Variants in TMEM74 observed in about 807,000 individuals in gnomAD.
TMEM74 encodes transmembrane protein 74.
Under a neutral mutation model 18.1 loss-of-function variants are expected in TMEM74, and 13 were observed. That is an observed-to-expected ratio of 0.72 (90% CI 0.47 to 1.14). The LOEUF is 1.14. Among genes scored for constraint, TMEM74 ranks in the 50% most tolerant of loss-of-function variants. The pLI, the probability that TMEM74 is intolerant of heterozygous loss-of-function variation, is 0.00. For missense variants in TMEM74, 372 were observed against 375.9 expected (o/e 0.99, Z 0.09); for synonymous variants, 159 against 146.6 (o/e 1.08, Z -0.61).
intron 1 of TMEM74, among the ~76,000 whole-genome samples, chr8:108,695,436 C>T (rs1486089904): frequency 6.6e-6 from 1 of 152,082 alleles, no homozygotes; most frequent in Non-Finnish European, 1.5e-5. Context: ...TTATATAGAC[C>T]AGAAAATGGA....
intron 1 of TMEM74, among the ~76,000 whole-genome samples, chr8:108,726,422 T>C (rs1813639020): frequency 6.6e-6 from 1 of 152,148 alleles, no homozygotes; most frequent in Admixed American, 6.5e-5. Context: ...TGCAAAATAT[T>C]TCCTGGTGAA....
chr8:108,672,957 G>A (rs904174), intron 1 of TMEM74, among the ~76,000 whole-genome samples: 67,207 of 151,962 alleles, frequency 0.44, 15,245 homozygotes, highest in East Asian at 0.69. Flanking sequence ...GAAAGAGTTG[G>A]AATAGTTCAA....
chr8:108,617,462 C>A (rs1165436512), intron 2 of TMEM74, among the ~76,000 whole-genome samples: 3 of 152,100 alleles, frequency 2.0e-5, no homozygotes, highest in Non-Finnish European at 4.4e-5. Context: ...GTGTAGGAAG[C>A]CCCACTACCC....
At chr8:108,642,352 CTG>C (rs1563738561) in intron 2 of TMEM74, among the ~76,000 whole-genome samples, 2 of 144,666 alleles carry the variant, frequency 1.4e-5, no homozygotes, top group Admixed American at 7.1e-5. Context: ...TCAGCCGAGA[CTG>C]TGTCACTGCA....
At position 108,783,978 on chromosome 8, in the gene TMEM74, G is replaced by T; in HGVS notation, c.*203C>A. 1 of 444,298 alleles carries T rather than the reference G, an allele frequency of 2.3e-6. No individual in the cohort carries two copies. Among genetic ancestry groups the T allele is most frequent in the East Asian group, 3.6e-5 (1 of 27,562 alleles). The allele number at this position is 444,298 out of a possible 1,614,324, so 27.5% of individuals were successfully genotyped here. ...TTCAGCTCTTCAGAAGGATAGGTGTGGCTGGTTGTGGTTTCTTATACATCT... is the reference window on the plus strand; with the variant it reads ...TTCAGCTCTTCAGAAGGATAGGTGTTGCTGGTTGTGGTTTCTTATACATCT... On this transcript the variant is annotated 3_prime_UTR_variant, in exon 2 of 2. Transcript: ENST00000297459.
At chr8:108,687,625 A>T (rs983437347) in intron 1 of TMEM74, among the ~76,000 whole-genome samples, 16 of 152,102 alleles carry the variant, frequency 1.1e-4, no homozygotes, top group Non-Finnish European at 1.6e-4. Flanking sequence ...CTGCAACTAG[A>T]TGGTCCCATC....
At chr8:108,730,744 T>C (rs1445289023) in intron 1 of TMEM74, among the ~76,000 whole-genome samples, 2 of 151,618 alleles carry the variant, frequency 1.3e-5, no homozygotes, top group Non-Finnish European at 2.9e-5. Context: ...GCAATTCTTC[T>C]TCCTCAGCCT....
intron 2 of TMEM74, chr8:108,652,697 C>A (rs572532130): frequency 1.3e-5 from 7 of 558,086 alleles, no homozygotes; most frequent in Non-Finnish European, 2.3e-5. Flanking sequence ...GCCCCTAACA[C>A]AGCAAATATT....
chr8:108,730,934 T>A (rs1813688865), intron 1 of TMEM74, among the ~76,000 whole-genome samples: 1 of 152,136 alleles, frequency 6.6e-6, no homozygotes. Context: ...CCTGCCACCA[T>A]GTGTTCTTAT....
chr8:108,745,518 C>T (rs572215762), intron 1 of TMEM74, among the ~76,000 whole-genome samples: 1 of 152,258 alleles, frequency 6.6e-6, no homozygotes, highest in African/African-American at 2.4e-5. Flanking sequence ...GAAACAGGTG[C>T]TGGGCTGGAT....
chr8:108,639,376 A>G (rs962339311), intron 2 of TMEM74, among the ~76,000 whole-genome samples: 2 of 152,144 alleles, frequency 1.3e-5, no homozygotes, highest in African/African-American at 2.4e-5. Flanking sequence ...CAATCAAACT[A>G]CAATTTGGTG....
intron 1 of TMEM74, among the ~76,000 whole-genome samples, chr8:108,657,881 T>TATATATAAATTAC (rs1554630304): frequency 1.0e-5 from 1 of 98,510 alleles, no homozygotes; most frequent in Non-Finnish European, 2.0e-5. Context: ...TATATATATA[T>TATATATAAATTAC]ATATATATAT....
At chr8:108,730,664 C>T (rs1407412664) in intron 1 of TMEM74, among the ~76,000 whole-genome samples, 1 of 135,918 alleles carries the variant, frequency 7.4e-6, no homozygotes, top group Non-Finnish European at 1.5e-5. Flanking sequence ...GACGGAGGCT[C>T]ACTCTGTCAC....
chr8:108,666,285 C>T (rs1563744378), intron 1 of TMEM74, among the ~76,000 whole-genome samples: 1 of 152,154 alleles, frequency 6.6e-6, no homozygotes. Context: ...ATCTAATAGA[C>T]TTCGTTTGCT....
intron 1 of TMEM74, among the ~76,000 whole-genome samples, chr8:108,728,511 C>A (rs2130636961): frequency 6.6e-6 from 1 of 152,276 alleles, no homozygotes; most frequent in African/African-American, 2.4e-5. Context: ...CCCTCCCTCT[C>A]CAATTCCAAC....
chr8:108,628,022 C>T (rs143104577), intron 2 of TMEM74, among the ~76,000 whole-genome samples: 523 of 152,118 alleles, frequency 3.4e-3, no homozygotes, highest in African/African-American at 0.012. Flanking sequence ...GGTGCCACTG[C>T]ATTCCAGCCT....
intron 1 of TMEM74, among the ~76,000 whole-genome samples, chr8:108,718,983 C>CGT (rs1370890274): frequency 5.6e-5 from 8 of 144,082 alleles, no homozygotes; most frequent in South Asian, 2.2e-4. Flanking sequence ...TATATATATA[C>CGT]GTATATATAC....
At chr8:108,719,369 T>C (rs1813562738) in intron 1 of TMEM74, among the ~76,000 whole-genome samples, 1 of 152,172 alleles carries the variant, frequency 6.6e-6, no homozygotes, top group Non-Finnish European at 1.5e-5. Flanking sequence ...ATTGTAGTCT[T>C]CCACAATATA....
intron 1 of TMEM74, among the ~76,000 whole-genome samples, chr8:108,764,461 G>T (rs1814079176): frequency 1.3e-5 from 2 of 152,188 alleles, no homozygotes; most frequent in African/African-American, 2.4e-5. Flanking sequence ...CTGATAAGCA[G>T]GAGAATGAGA....
Sources: gnomAD v4.1 joint callset for allele counts (sites outside exome capture counted in the v4.1 genomes callset) on GRCh38, gnomAD v4.1.1 for gene constraint, MANE v1.5 for transcripts, NCBI Gene and HGNC (gene_info 2026-07-23, HGNC 2026-07-21) for gene names.